OSBPL10: variants seen among roughly 807,000 people sequenced by gnomAD.
OSBPL10 encodes the protein oxysterol-binding protein-related protein 10.
In OSBPL10, 49 loss-of-function variants were observed where a neutral mutation model predicts 81.7. The ratio of observed to expected loss-of-function variants is 0.60; its 90% confidence interval spans 0.48 to 0.76. The LOEUF (loss-of-function observed/expected upper bound fraction) is 0.76, where lower values mean the gene tolerates loss of function less well. OSBPL10 is among the 30% of genes least tolerant of loss of function. The probability of loss-of-function intolerance (pLI) is 0.00; values close to 1 mark genes in which losing one functional copy is unlikely to be tolerated. For missense variants in OSBPL10, 923 were observed against 987.8 expected (o/e 0.93, Z 0.88); for synonymous variants, 419 against 383.6 (o/e 1.09, Z -1.08).
intron 3 of OSBPL10, among the ~76,000 whole-genome samples, chr3:31,865,420 G>A (rs190003630): frequency 1.8e-3 from 267 of 152,282 alleles, no homozygotes; most frequent in African/African-American, 6.3e-3. Flanking sequence ...TTTAAAACCT[G>A]TATTTTCTTA....
intron 2 of OSBPL10, among the ~76,000 whole-genome samples, chr3:31,986,863 G>A (rs1473013236): frequency 1.3e-5 from 2 of 151,954 alleles, no homozygotes; most frequent in African/African-American, 2.4e-5. Context: ...AAATAAGCCA[G>A]CCACAGTGGC....
intron 7 of OSBPL10, among the ~76,000 whole-genome samples, chr3:31,688,292 C>G (rs1243158707): frequency 2.0e-5 from 3 of 148,348 alleles, no homozygotes; most frequent in African/African-American, 7.4e-5. Flanking sequence ...CTCACACACA[C>G]ACACACACAC....
intron 1 of OSBPL10, among the ~76,000 whole-genome samples, chr3:31,935,398 T>C (rs1041467352): frequency 6.6e-6 from 1 of 152,028 alleles, no homozygotes; most frequent in Non-Finnish European, 1.5e-5. Context: ...TATTTGAACA[T>C]AAAATTCTTT....
chr3:31,856,296 G>A (rs1700911883), intron 3 of OSBPL10, among the ~76,000 whole-genome samples: 2 of 152,090 alleles, frequency 1.3e-5, no homozygotes, highest in Non-Finnish European at 2.9e-5. Context: ...AATAAAAGCT[G>A]TTCTTAAATT....
chr3:31,966,153 A>ATGTG (rs59737552), intron 1 of OSBPL10, among the ~76,000 whole-genome samples: 3,218 of 134,830 alleles, frequency 0.024, 52 homozygotes, highest in Non-Finnish European at 0.031. Flanking sequence ...CAACAAAATT[A>ATGTG]TGTGTGTGTG....
At chr3:32,016,213 T>C (rs1395238817) in intron 2 of OSBPL10, among the ~76,000 whole-genome samples, 2 of 152,116 alleles carry the variant, frequency 1.3e-5, no homozygotes, top group African/African-American at 4.8e-5. Flanking sequence ...CCAACAATGA[T>C]AGACTGGATT....
intron 3 of OSBPL10, among the ~76,000 whole-genome samples, chr3:31,832,081 G>C (rs982560201): frequency 2.0e-5 from 3 of 152,216 alleles, no homozygotes; most frequent in Non-Finnish European, 2.9e-5. Context: ...AATTGATCTG[G>C]AAATATCTCT....
intron 2 of OSBPL10, among the ~76,000 whole-genome samples, chr3:32,018,148 CAATAAATAAATAAATAAATAAATAAATA>C (rs199908017): frequency 1.4e-5 from 2 of 141,904 alleles, no homozygotes; most frequent in African/African-American, 5.2e-5. Context: ...AACTCCATCT[CAATAAATAAATAAATAAATAAATAAATA>C]AATAAATAAA....
At chr3:31,671,781 A>C (rs1225794393) in intron 8 of OSBPL10, among the ~76,000 whole-genome samples, 1 of 152,170 alleles carries the variant, frequency 6.6e-6, no homozygotes, top group African/African-American at 2.4e-5. Context: ...ACAGGGCCAC[A>C]GTTTTCATCA....
chr3:31,850,659 C>A (rs1464854743), intron 3 of OSBPL10, among the ~76,000 whole-genome samples: 2 of 152,140 alleles, frequency 1.3e-5, no homozygotes, highest in African/African-American at 2.4e-5. Flanking sequence ...CTCTCACAAC[C>A]CCCACTCTGC....
chr3:31,894,991 A>G (rs1696009637), intron 1 of OSBPL10, among the ~76,000 whole-genome samples: 1 of 152,004 alleles, frequency 6.6e-6, no homozygotes, highest in South Asian at 2.1e-4. Flanking sequence ...TCCATGCCAC[A>G]CTCTAGGGAT....
chr3:31,859,896 C>T (rs1314449847), intron 3 of OSBPL10, among the ~76,000 whole-genome samples: 1 of 152,194 alleles, frequency 6.6e-6, no homozygotes, highest in Non-Finnish European at 1.5e-5. Flanking sequence ...AGGTGGCATT[C>T]CCACATGTAA....
At chr3:31,678,044 G>GCAGT (rs1168287867) in intron 8 of OSBPL10, among the ~76,000 whole-genome samples, 1 of 141,364 alleles carries the variant, frequency 7.1e-6, no homozygotes, top group African/African-American at 2.8e-5. Context: ...TTGCGCCACT[G>GCAGT]CAGTCCGCAG....
chr3:31,867,394 A>C (rs1472387577), intron 3 of OSBPL10, among the ~76,000 whole-genome samples: 3 of 152,248 alleles, frequency 2.0e-5, no homozygotes, highest in Non-Finnish European at 2.9e-5. Context: ...GATGTATAAA[A>C]TACCAGGAAA....
intron 1 of OSBPL10, among the ~76,000 whole-genome samples, chr3:32,067,412 GT>G (rs1440178584): frequency 1.3e-5 from 2 of 152,112 alleles, no homozygotes; most frequent in Non-Finnish European, 2.9e-5. Context: ...GGTTGAGTTA[GT>G]GATATTCAGG....
At chr3:31,902,129 C>G (rs1696259989) in intron 1 of OSBPL10, among the ~76,000 whole-genome samples, 1 of 152,136 alleles carries the variant, frequency 6.6e-6, no homozygotes, top group Non-Finnish European at 1.5e-5. Flanking sequence ...TGTTTCCGGT[C>G]TGTAAAATGG....
At chr3:31,720,052 A>G (rs1045173405) in intron 6 of OSBPL10, among the ~76,000 whole-genome samples, 2 of 148,386 alleles carry the variant, frequency 1.3e-5, no homozygotes, top group African/African-American at 4.9e-5. Flanking sequence ...GAACATATAT[A>G]TATATTATAT....
At chr3:32,059,777 T>A (rs2125441083) in intron 1 of OSBPL10, among the ~76,000 whole-genome samples, 1 of 151,684 alleles carries the variant, frequency 6.6e-6, no homozygotes, top group South Asian at 2.1e-4. Context: ...CCAGGCATGG[T>A]GGCACATGCC....
chr3:31,819,901 C>A (rs1699938618), intron 4 of OSBPL10, among the ~76,000 whole-genome samples: 1 of 152,192 alleles, frequency 6.6e-6, no homozygotes, highest in Admixed American at 6.5e-5. Flanking sequence ...AGAGCCAAGG[C>A]TTCCTTAAGG....
Sources: gnomAD v4.1 joint callset for allele counts (sites outside exome capture counted in the v4.1 genomes callset) on GRCh38, gnomAD v4.1.1 for gene constraint, MANE v1.5 for transcripts, NCBI Gene and HGNC (gene_info 2026-07-23, HGNC 2026-07-21) for gene names.